Variants in ZNF468 observed in about 807,000 individuals in gnomAD.
ZNF468 encodes zinc finger protein ZNF468.
In ZNF468, 8 loss-of-function variants were observed where a neutral mutation model predicts 7.2. That is an observed-to-expected ratio of 1.11 (90% CI 0.65 to 2.01). The LOEUF (loss-of-function observed/expected upper bound fraction) is 2.01. Among genes scored for constraint, ZNF468 ranks in the 30% most tolerant of loss-of-function variants. The pLI, the probability that ZNF468 is intolerant of heterozygous loss-of-function variation, is 0.00. For missense variants in ZNF468, 608 were observed against 626.5 expected (o/e 0.97, Z 0.31); for synonymous variants, 218 against 214.4 (o/e 1.02, Z -0.15).
chr19:52,848,797 T>C (rs1404118006), intron 3 of ZNF468, among the ~76,000 whole-genome samples: 1 of 152,106 alleles, frequency 6.6e-6, no homozygotes, highest in Non-Finnish European at 1.5e-5. Context: ...GTGATCCACA[T>C]GCCTTGGCCT....
intron 3 of ZNF468, among the ~76,000 whole-genome samples, chr19:52,847,975 T>G (rs2063354341): frequency 6.6e-6 from 1 of 152,230 alleles, no homozygotes; most frequent in African/African-American, 2.4e-5. Flanking sequence ...TGTGTCTTAT[T>G]TCTTTTCTGA....
At chr19:52,853,816 G>T (rs1439819748) in intron 2 of ZNF468, 34 of 1,176,668 alleles carry the variant, frequency 2.9e-5, no homozygotes, top group Non-Finnish European at 3.5e-5. Context: ...TAAAAATGTG[G>T]TATAAAATCA....
In ZNF468 at chr19:52,840,006, A is replaced by G; in HGVS notation, c.*719T>C. 2 of 1,315,762 alleles carry G rather than the reference A, an allele frequency of 1.5e-6. No homozygotes were observed. Among genetic ancestry groups the G allele is most frequent in the East Asian group, 3.4e-5 (1 of 29,482 alleles). The allele number at this position is 1,315,762 out of a possible 1,614,324, so 81.5% of individuals were successfully genotyped here. A position where few individuals can be genotyped will look rare whatever the true frequency, so the allele number is the denominator to read the frequency against. Reference sequence around the variant, plus strand: ...GATGGTGAATAAGTGGTGACTGCCCACTAAAGGGTTTGCCACACTCATTGC... The same window carrying G: ...GATGGTGAATAAGTGGTGACTGCCCGCTAAAGGGTTTGCCACACTCATTGC... On this transcript the variant is annotated 3_prime_UTR_variant, in exon 4 of 4. Coordinates refer to ENST00000595646, the MANE Select transcript of ZNF468 (RefSeq NM_001008801.2).
rs1317075200 is a variant in ZNF468, at chr19:52,842,063, T to C, written c.231A>G (p.Gln77=). 6 of 1,613,916 alleles carry C rather than the reference T, an allele frequency of 3.7e-6. No individual in the cohort carries two copies. The highest frequency in any genetic ancestry group is 5.1e-6 in the Non-Finnish European group (6 of 1,179,962). ...EVIHTGTLHR[Q]ASHHIGEFCF... ...AAAATTCTCCAATGTGATGACTTGC[T>C]TGTCTGTGCAATGTCCCTGTGTGGA... The change falls in exon 4 of 4, where the codon CAA becomes CAG. Residue 77 remains glutamine, a synonymous_variant. Transcript: ENST00000595646.
rs749546076 is a variant in ZNF468, at chr19:52,840,685, T to C, written c.*40A>G. The C allele has an allele frequency of 2.5e-6, 4 of 1,612,074 alleles. No individual in the cohort carries two copies. Among genetic ancestry groups the C allele is most frequent in the Admixed American group, 3.3e-5 (2 of 59,896 alleles). ...ATGAATTGCCTTATGACTTACAGGG[T>C]TGAATTGTGATGGAAGGTCTTGCCA... On this transcript the variant is annotated 3_prime_UTR_variant, in exon 4 of 4. Coordinates refer to ENST00000595646, the MANE Select transcript of ZNF468 (RefSeq NM_001008801.2).
chr19:52,845,281 A>T (rs73069429), intron 3 of ZNF468: 3 of 151,760 alleles, frequency 2.0e-5, no homozygotes, highest in African/African-American at 7.3e-5. Context: ...TTTAGCCGGG[A>T]TGACAGACCA....
rs60067060 is a variant in ZNF468 at position 52,842,814 on chromosome 19, C to CAAAAAAAAAAAAA, written c.143-676_143-664dup. ...CTTGGTGCAAAATGAGACTCCATCT[C>CAAAAAAAAAAAAA]AAAAAAAAAAAAAAAAAAAAAAAAA... On this transcript the variant is annotated intron_variant, in intron 3 of 3. Coordinates refer to ENST00000595646, the MANE Select transcript of ZNF468 (RefSeq NM_001008801.2). 1.1e-4 allele frequency among the ~76,000 whole-genome samples: 6 copies of CAAAAAAAAAAAAA among 52,948 alleles called. 1 individual carries two copies. Among genetic ancestry groups the CAAAAAAAAAAAAA allele is most frequent in the East Asian group, 8.1e-4 (1 of 1,232 alleles). The allele number at this position is 52,948 out of a possible 152,430, so 34.7% of individuals were successfully genotyped here.
Position 52,841,161 on chromosome 19 carries a change from G to T in ZNF468, c.1133C>A (p.Thr378Asn). The T allele has an allele frequency of 6.2e-7, 1 of 1,613,416 alleles. No individual in the cohort carries two copies. Among genetic ancestry groups the T allele is most frequent in the East Asian group, 2.2e-5 (1 of 44,850 alleles). The change falls in exon 4 of 4, where the codon ACT (threonine) becomes AAT (asparagine). Residue 378 changes from threonine to asparagine, a missense_variant. Transcript: ENST00000595646. Reference sequence around the variant, plus strand: ...TTCACATTTGTAAGGTTTCTCTCCAGTATGAAGTCTATGATGGCGTGCAAG... The same window carrying T: ...TTCACATTTGTAAGGTTTCTCTCCATTATGAAGTCTATGATGGCGTGCAAG... ...STLARHHRLH[T>N]GEKPYKCEEC... is the part of the protein sequence containing the mutation.
intron 2 of ZNF468, chr19:52,849,701 C>T (rs2063369537): frequency 6.4e-6 from 1 of 156,658 alleles, no homozygotes; most frequent in Admixed American, 6.5e-5. Flanking sequence ...GATCGCATCA[C>T]TGCACTCCAG....
At chr19:52,853,416 T>C (rs1253325976) in intron 2 of ZNF468, among the ~76,000 whole-genome samples, 1 of 152,140 alleles carries the variant, frequency 6.6e-6, no homozygotes, top group Non-Finnish European at 1.5e-5. Flanking sequence ...GGGCTGGGCA[T>C]GATGGCTTGC....
intron 1 of ZNF468, among the ~76,000 whole-genome samples, chr19:52,855,743 T>C (rs1300145800): frequency 6.6e-6 from 1 of 152,154 alleles, no homozygotes; most frequent in Non-Finnish European, 1.5e-5. Context: ...TAATTACAAC[T>C]GGGCACTCTC....
At chr19:52,856,651 CCTCA>C (rs72100150) in intron 1 of ZNF468, among the ~76,000 whole-genome samples, 16,427 of 131,608 alleles carry the variant, frequency 0.12, 999 homozygotes, top group South Asian at 0.17. Flanking sequence ...TCCTCCTCTC[CCTCA>C]CTCTGATGAG....
chr19:52,841,777 A>C lies in ZNF468; in HGVS notation c.517T>G (p.Ser173Ala). The change falls in exon 4 of 4, where the codon TCA becomes GCA. Residue 173 changes from serine (S) to alanine (A), a missense_variant. Transcript: ENST00000595646. Reference sequence around the variant, plus strand: ...CAAATTCTTTGGGATGTTGAAACTGAGGAAGCATTGTTGATAGACTTCTCA... The same window carrying C: ...CAAATTCTTTGGGATGTTGAAACTGCGGAAGCATTGTTGATAGACTTCTCA... ...QVEKSINNAS[S>A]VSTSQRICCR... 1 of 1,614,132 alleles carries C rather than the reference A, an allele frequency of 6.2e-7. No individual in the cohort carries two copies. The highest frequency in any genetic ancestry group is 8.5e-7 in the Non-Finnish European group (1 of 1,179,988).
At chr19:52,850,588 A>G (rs2063379079) in intron 2 of ZNF468, among the ~76,000 whole-genome samples, 1 of 151,472 alleles carries the variant, frequency 6.6e-6, no homozygotes, top group African/African-American at 2.4e-5. Flanking sequence ...GCGGGGAGGA[A>G]GGAGAGGAGC....
intron 2 of ZNF468, 81 bp downstream of exon 2, chr19:52,854,177 A>G (rs2063416321): frequency 1.2e-6 from 2 of 1,608,984 alleles, no homozygotes; most frequent in Non-Finnish European, 1.7e-6. Context: ...CAGGTCATTC[A>G]GACCCAGACA....
intron 2 of ZNF468, among the ~76,000 whole-genome samples, chr19:52,853,719 C>T (rs1460856737): frequency 6.6e-6 from 1 of 151,832 alleles, no homozygotes; most frequent in Non-Finnish European, 1.5e-5. Context: ...AGGAATGATT[C>T]ATGAATTATT....
chr19:52,846,724 A>G (rs2063344435), intron 3 of ZNF468: 1 of 152,366 alleles, frequency 6.6e-6, no homozygotes, highest in Non-Finnish European at 1.5e-5. Context: ...AACAATGGTT[A>G]GGCATGGCAG....
rs2063303160 is a variant in ZNF468 at position 52,841,703 on chromosome 19, G to A, written c.591C>T (p.Leu197=). The part of the protein sequence containing the change: ...HISNKYGNNS[L]HSSLLTQKWE... ...ATTTTTGTGTGAGTAATGAAGAATG[G>A]AGGGAATTATTTCCATACTTATTAG... Residue 197 remains leucine (L), a synonymous_variant, in exon 4 of 4, where the codon CTC becomes CTT. Transcript: ENST00000595646. 1 of 1,613,936 alleles carries A rather than the reference G, an allele frequency of 6.2e-7. No homozygotes were observed.
intron 3 of ZNF468, among the ~76,000 whole-genome samples, chr19:52,848,276 CA>C (rs1450567897): frequency 6.6e-6 from 1 of 152,122 alleles, no homozygotes; most frequent in African/African-American, 2.4e-5. Flanking sequence ...ATGGAGATAA[CA>C]GGTCAGAAAG....
Sources: gnomAD v4.1 joint callset for allele counts (sites outside exome capture counted in the v4.1 genomes callset) on GRCh38, gnomAD v4.1.1 for gene constraint, MANE v1.5 for transcripts, NCBI Gene and HGNC (gene_info 2026-07-23, HGNC 2026-07-21) for gene names.